The following SPACA7 variants were observed in gnomAD, a reference collection of about 807,000 sequenced individuals.
SPACA7 encodes sperm acrosome associated 7, also known as sperm acrosome-associated protein 7.
Under a neutral mutation model 26.3 loss-of-function variants are expected in SPACA7, and 19 were observed. The observed-to-expected ratio is 0.72, with a 90% CI of 0.50 to 1.06. SPACA7 has a LOEUF of 1.06. Among genes scored for constraint, SPACA7 ranks in the 50% least tolerant of loss-of-function variants. The pLI is 0.00. For missense variants in SPACA7, 211 were observed against 229.9 expected (o/e 0.92, Z 0.53); for synonymous variants, 84 against 84.5 (o/e 0.99, Z 0.04).
intron 5 of SPACA7, among the ~76,000 whole-genome samples, chr13:112,413,267 TG>T (rs1359845980): frequency 6.6e-6 from 1 of 152,150 alleles, no homozygotes; most frequent in African/African-American, 2.4e-5. Context: ...ACAGGTCTGG[TG>T]GATGTGAATT....
intron 6 of SPACA7, among the ~76,000 whole-genome samples, chr13:112,432,893 C>A (rs376623415): frequency 2.0e-5 from 3 of 152,194 alleles, no homozygotes; most frequent in Admixed American, 2.0e-4. Flanking sequence ...AGGAAGGGCC[C>A]CCACATCCCC....
chr13:112,421,758 A>G (rs2139047367), intron 5 of SPACA7, among the ~76,000 whole-genome samples: 2 of 152,354 alleles, frequency 1.3e-5, no homozygotes, highest in Middle Eastern at 3.4e-3. Context: ...GTGCATATAC[A>G]CCATGGAATA....
intron 6 of SPACA7, among the ~76,000 whole-genome samples, 156 bp from the exon 7 acceptor site, chr13:112,434,327 CCG>C (rs1877518437): frequency 3.3e-5 from 5 of 152,162 alleles, no homozygotes; most frequent in Non-Finnish European, 5.9e-5. Flanking sequence ...TGCCCCCCTC[CCG>C]GTCCTCCTGC....
chr13:112,418,539 C>T (rs1886831788), intron 5 of SPACA7, among the ~76,000 whole-genome samples: 1 of 152,230 alleles, frequency 6.6e-6, no homozygotes, highest in African/African-American at 2.4e-5. Flanking sequence ...AATAGCTAAT[C>T]TGTGAAACCA....
intron 5 of SPACA7, among the ~76,000 whole-genome samples, chr13:112,402,859 A>T (rs1343296984): frequency 6.6e-6 from 1 of 152,130 alleles, no homozygotes; most frequent in Non-Finnish European, 1.5e-5. Context: ...GGTCATGTTG[A>T]TTATATTCTT....
intron 5 of SPACA7, among the ~76,000 whole-genome samples, chr13:112,432,093 C>G (rs966244334): frequency 6.6e-6 from 1 of 152,198 alleles, no homozygotes; most frequent in East Asian, 1.9e-4. Flanking sequence ...CAGAAGGGAG[C>G]CCTGCTCACC....
At chr13:112,427,013 A>AT (rs750670356) in intron 5 of SPACA7, among the ~76,000 whole-genome samples, 4 of 152,300 alleles carry the variant, frequency 2.6e-5, no homozygotes, top group African/African-American at 9.6e-5. Context: ...AGCTGCAGGG[A>AT]TTTTTTATAC....
intron 5 of SPACA7, among the ~76,000 whole-genome samples, chr13:112,425,990 T>C (rs1245750405): frequency 6.6e-6 from 1 of 152,216 alleles, no homozygotes; most frequent in East Asian, 1.9e-4. Flanking sequence ...TGTTCATATG[T>C]TTAGTCACTA....
chr13:112,418,114 G>A (rs376824417), intron 5 of SPACA7, among the ~76,000 whole-genome samples: 13 of 152,100 alleles, frequency 8.5e-5, no homozygotes, highest in Non-Finnish European at 1.5e-4. Flanking sequence ...GTTTGCCAAC[G>A]TTGAAAACTA....
At chr13:112,409,549 G>C (rs1398116074) in intron 5 of SPACA7, among the ~76,000 whole-genome samples, 24 of 151,382 alleles carry the variant, frequency 1.6e-4, no homozygotes, top group African/African-American at 5.9e-4. Context: ...TCAAAAAGTG[G>C]GTGAAGGATA....
At chr13:112,378,527 G>T in intron 1 of SPACA7, 1 of 351,494 alleles carries the variant, frequency 2.8e-6, no homozygotes. Context: ...TTTTTACAAG[G>T]AATCTCAGAT....
chr13:112,380,609 G>A (rs145419675), intron 1 of SPACA7, among the ~76,000 whole-genome samples: 162 of 151,850 alleles, frequency 1.1e-3, no homozygotes, highest in African/African-American at 3.6e-3. Flanking sequence ...TCAGAGACTC[G>A]TTACATCTTT....
At chr13:112,397,794 T>TG (rs1254387702) in intron 2 of SPACA7, among the ~76,000 whole-genome samples, 3 of 152,178 alleles carry the variant, frequency 2.0e-5, no homozygotes, top group African/African-American at 7.2e-5. Flanking sequence ...CTTGTACCTT[T>TG]GGGGGGCAAT....
At chr13:112,397,985 G>C in intron 2 of SPACA7, 64 bp from the exon 3 acceptor site, 3 of 1,037,830 alleles carry the variant, frequency 2.9e-6, no homozygotes, top group Non-Finnish European at 4.5e-6. Context: ...GGCCTTAGGG[G>C]ACAGGAGCCA....
intron 1 of SPACA7, among the ~76,000 whole-genome samples, chr13:112,385,766 G>T (rs1028202485): frequency 6.6e-6 from 1 of 152,262 alleles, no homozygotes; most frequent in Non-Finnish European, 1.5e-5. Flanking sequence ...ATGCATTAAA[G>T]TTTCTACTTT....
intron 1 of SPACA7, among the ~76,000 whole-genome samples, chr13:112,378,352 A>G (rs1300297026): frequency 6.6e-6 from 1 of 152,250 alleles, no homozygotes; most frequent in Non-Finnish European, 1.5e-5. Flanking sequence ...ATTAAAACAT[A>G]AAATATGGCT....
At chr13:112,407,827 C>A (rs1244367251) in intron 5 of SPACA7, among the ~76,000 whole-genome samples, 1 of 152,136 alleles carries the variant, frequency 6.6e-6, no homozygotes, top group Non-Finnish European at 1.5e-5. Flanking sequence ...GAAACTATTC[C>A]AATCAATAGA....
rs543857122 is a variant in SPACA7 at position 112,420,014 on chromosome 13, G to A, written c.446-12430G>A. On this transcript the variant is annotated intron_variant, in intron 5 of 6. Coordinates refer to ENST00000283550, the MANE Select transcript of SPACA7 (RefSeq NM_145248.5). ...CACTTCTGGAGGACTTTGATTCTTC[G>A]GTGCATTGAAGATGTCAATAGCCAC... Among the ~76,000 whole-genome samples the A allele has an allele frequency of 4.2e-4, 64 of 152,246 alleles. No homozygotes were observed. The East Asian group carries it at 6.2e-3, about 15-fold the overall frequency.
At chr13:112,425,441 G>A (rs373402518) in intron 5 of SPACA7, among the ~76,000 whole-genome samples, 8 of 152,238 alleles carry the variant, frequency 5.3e-5, no homozygotes, top group Admixed American at 1.3e-4. Context: ...CGGCCCGGCC[G>A]CTGGAGCCAA....
Sources: allele counts gnomAD v4.1 joint callset (sites outside exome capture counted in the v4.1 genomes callset), GRCh38; gene constraint gnomAD v4.1.1; transcripts MANE v1.5; gene names NCBI Gene and HGNC (gene_info 2026-07-23, HGNC 2026-07-21).